Variants in RBFOX1 observed in about 807,000 individuals in gnomAD.
The protein encoded by RBFOX1 is RNA binding protein fox-1 homolog 1.
A neutral mutation model predicts 57.7 loss-of-function variants in RBFOX1; 8 were observed. That is an observed-to-expected ratio of 0.14 (90% CI 0.08 to 0.25). The LOEUF is 0.25. Ranked by LOEUF, RBFOX1 falls within the 10% of genes least tolerant of loss-of-function variation. The pLI is 1.00. For synonymous variants in RBFOX1, 326 were observed against 222.4 expected (o/e 1.47, Z -4.15); for missense variants, 611 against 548.5 (o/e 1.11, Z -1.14).
intron 2 of RBFOX1, among the ~76,000 whole-genome samples, chr16:6,605,268 A>ATG (rs2097910616): frequency 6.6e-6 from 1 of 151,876 alleles, no homozygotes; most frequent in African/African-American, 2.4e-5. Context: ...ACCAACACAT[A>ATG]CAATTAAAGA....
chr16:5,786,903 AG>A (rs1441003805), intron 3 of RBFOX1, among the ~76,000 whole-genome samples: 5 of 152,180 alleles, frequency 3.3e-5, no homozygotes, highest in African/African-American at 1.2e-4. Context: ...TGGGAGGTCA[AG>A]GTGGGTGGGT....
At chr16:7,216,443 C>G (rs544388739) in intron 4 of RBFOX1, among the ~76,000 whole-genome samples, 1 of 152,238 alleles carries the variant, frequency 6.6e-6, no homozygotes, top group African/African-American at 2.4e-5. Flanking sequence ...TTGCTTGAGA[C>G]CGAAAGTTCT....
At chr16:5,511,461 A>G (rs2043589652) in intron 2 of RBFOX1, among the ~76,000 whole-genome samples, 1 of 152,156 alleles carries the variant, frequency 6.6e-6, no homozygotes, top group Admixed American at 6.5e-5. Context: ...TAGTCAGATA[A>G]TAGCTATTGT....
intron 4 of RBFOX1, among the ~76,000 whole-genome samples, chr16:7,318,479 C>G (rs374491831): frequency 6.6e-6 from 1 of 152,082 alleles, no homozygotes; most frequent in Non-Finnish European, 1.5e-5. Context: ...CCACTTACCA[C>G]CTTTGCACCG....
intron 4 of RBFOX1, among the ~76,000 whole-genome samples, chr16:5,930,998 G>A (rs2059043713): frequency 6.6e-6 from 1 of 151,886 alleles, no homozygotes; most frequent in Non-Finnish European, 1.5e-5. Context: ...GGATGGGTAG[G>A]TGGGAGGGTG....
At chr16:7,010,890 T>C (rs2093623471) in intron 3 of RBFOX1, among the ~76,000 whole-genome samples, 1 of 152,182 alleles carries the variant, frequency 6.6e-6, no homozygotes, top group South Asian at 2.1e-4. Context: ...ATCTCTTTTC[T>C]TGAGCAGAAG....
chr16:7,607,386 T>A, intron 10 of RBFOX1, 48 bp downstream of exon 10: 1 of 1,518,028 alleles, frequency 6.6e-7, no homozygotes, highest in Non-Finnish European at 9.1e-7. Context: ...TTTCTAAATG[T>A]GCTTTGCCTG....
At chr16:7,177,788 A>G (rs1022866589) in intron 4 of RBFOX1, among the ~76,000 whole-genome samples, 1 of 152,172 alleles carries the variant, frequency 6.6e-6, no homozygotes, top group Non-Finnish European at 1.5e-5. Flanking sequence ...CTTCTGTTGT[A>G]GCACAAAAGC....
chr16:6,591,129 A>G (rs909580216), intron 2 of RBFOX1, among the ~76,000 whole-genome samples: 1 of 152,132 alleles, frequency 6.6e-6, no homozygotes, highest in Admixed American at 6.5e-5. Flanking sequence ...CACACTGTGT[A>G]TTATACAATA....
intron 3 of RBFOX1, among the ~76,000 whole-genome samples, chr16:6,751,592 T>A (rs1603537840): frequency 6.6e-6 from 1 of 152,164 alleles, no homozygotes; most frequent in East Asian, 1.9e-4. Flanking sequence ...ACATCTGATT[T>A]GGGAGTTTTG....
At chr16:7,448,477 C>A (rs559934301) in intron 4 of RBFOX1, among the ~76,000 whole-genome samples, 35 of 152,278 alleles carry the variant, frequency 2.3e-4, no homozygotes, top group African/African-American at 8.2e-4. Flanking sequence ...GGCAGCTTCC[C>A]TTAATAAAAC....
chr16:6,387,730 C>G (rs573525585), intron 2 of RBFOX1, among the ~76,000 whole-genome samples: 4 of 152,196 alleles, frequency 2.6e-5, no homozygotes, highest in Non-Finnish European at 4.4e-5. Flanking sequence ...GGGCACCTGT[C>G]AATTCTGCAG....
chr16:6,700,229 G>A (rs2061621549), intron 3 of RBFOX1, among the ~76,000 whole-genome samples: 1 of 152,076 alleles, frequency 6.6e-6, no homozygotes, highest in African/African-American at 2.4e-5. Context: ...ACCATGCACT[G>A]TCCTTTCCTG....
intron 3 of RBFOX1, among the ~76,000 whole-genome samples, chr16:5,789,306 G>C (rs984963917): frequency 2.0e-5 from 3 of 152,132 alleles, no homozygotes; most frequent in African/African-American, 7.2e-5. Flanking sequence ...AGGGAGGTGT[G>C]GTGAAGGAGA....
intron 4 of RBFOX1, among the ~76,000 whole-genome samples, chr16:5,911,884 G>A (rs974911516): frequency 5.9e-5 from 9 of 152,066 alleles, no homozygotes; most frequent in African/African-American, 1.7e-4. Context: ...CCTAAAGCCC[G>A]AACTCTGAAT....
chr16:7,560,379 A>G (rs2090029196), intron 5 of RBFOX1, among the ~76,000 whole-genome samples: 1 of 152,084 alleles, frequency 6.6e-6, no homozygotes, highest in Non-Finnish European at 1.5e-5. Context: ...TTCATTTCAG[A>G]AACATGACAC....
chr16:5,500,012 G>A (rs189892310), intron 2 of RBFOX1, among the ~76,000 whole-genome samples: 2 of 151,496 alleles, frequency 1.3e-5, no homozygotes, highest in Non-Finnish European at 2.9e-5. Flanking sequence ...TCCCATTCTC[G>A]CATTTGCCTA....
At chr16:7,581,820 C>A (rs2093787115) in intron 6 of RBFOX1, among the ~76,000 whole-genome samples, 1 of 152,220 alleles carries the variant, frequency 6.6e-6, no homozygotes, top group Admixed American at 6.5e-5. Context: ...AAGGGATCCT[C>A]CCACCTCAGC....
intron 1 of RBFOX1, among the ~76,000 whole-genome samples, chr16:5,249,039 G>A (rs1177043338): frequency 6.7e-6 from 1 of 149,874 alleles, no homozygotes; most frequent in African/African-American, 2.5e-5. Flanking sequence ...GGGAAGAGAA[G>A]GGGGCTGTGG....
Sources: allele counts gnomAD v4.1 joint callset (sites outside exome capture counted in the v4.1 genomes callset), GRCh38; gene constraint gnomAD v4.1.1; transcripts MANE v1.5; gene names NCBI Gene and HGNC (gene_info 2026-07-23, HGNC 2026-07-21).